ANKRD55: variants seen among roughly 807,000 people sequenced by gnomAD.
ANKRD55 encodes the protein ankyrin repeat domain-containing protein 55.
A neutral mutation model predicts 60.6 loss-of-function variants in ANKRD55; 41 were observed. The ratio of observed to expected loss-of-function variants is 0.68; its 90% CI spans 0.53 to 0.88. The LOEUF (loss-of-function observed/expected upper bound fraction) is 0.88. ANKRD55 is among the 40% of genes least tolerant of loss of function. The pLI, the probability that ANKRD55 is intolerant of heterozygous loss-of-function variation, is 0.00. For missense variants in ANKRD55, 732 were observed against 767.6 expected, an observed-to-expected ratio of 0.95 and a Z score of 0.55; for synonymous variants, 264 against 290.3, an observed-to-expected ratio of 0.91 and a Z score of 0.92.
chr5:56,151,271 T>A (rs567435801), intron 6 of ANKRD55, among the ~76,000 whole-genome samples: 71 of 152,342 alleles, frequency 4.7e-4, no homozygotes, highest in Admixed American at 3.1e-3. Context: ...AGGACATTTT[T>A]AAAAAATTCT....
chr5:56,227,065 A>G (rs1760132023), intron 2 of ANKRD55, among the ~76,000 whole-genome samples: 1 of 152,166 alleles, frequency 6.6e-6, no homozygotes, highest in African/African-American at 2.4e-5. Context: ...ACTATTCACA[A>G]TAGCAAAGAC....
At chr5:56,203,875 G>A (rs1759438696) in intron 2 of ANKRD55, among the ~76,000 whole-genome samples, 1 of 152,072 alleles carries the variant, frequency 6.6e-6, no homozygotes. Flanking sequence ...TGGGTCAAAT[G>A]GTATTTCTAG....
At chr5:56,215,179 A>T (rs1036185714) in intron 2 of ANKRD55, among the ~76,000 whole-genome samples, 1 of 152,186 alleles carries the variant, frequency 6.6e-6, no homozygotes, top group Non-Finnish European at 1.5e-5. Context: ...TTGTTGCTGC[A>T]TAGAACAAAT....
intron 2 of ANKRD55, among the ~76,000 whole-genome samples, chr5:56,219,228 G>A (rs945870505): frequency 2.0e-4 from 29 of 144,706 alleles, no homozygotes; most frequent in South Asian, 2.2e-4. Context: ...AGCAGAGATC[G>A]TGCCACTGCA....
At chr5:56,137,005 G>A in intron 7 of ANKRD55, 1 of 684,970 alleles carries the variant, frequency 1.5e-6, no homozygotes, top group Non-Finnish European at 2.7e-6. Context: ...TTGACCCAGA[G>A]AGCCCCACAA....
intron 2 of ANKRD55, among the ~76,000 whole-genome samples, chr5:56,217,871 G>A (rs1004316081): frequency 6.6e-6 from 1 of 151,654 alleles, no homozygotes; most frequent in Non-Finnish European, 1.5e-5. Context: ...ACTCCAGCCT[G>A]GGTGACAGAG....
At chr5:56,193,732 G>T in intron 2 of ANKRD55, 1 of 172,812 alleles carries the variant, frequency 5.8e-6, no homozygotes, top group Non-Finnish European at 1.2e-5. Flanking sequence ...ATCCCAGTGA[G>T]GAATTCTAAG....
In ANKRD55 at chr5:56,100,921, G is replaced by A. The variant is rs181616836; in HGVS notation, c.1724-617C>T. Among the ~76,000 whole-genome samples, 486 of 152,194 alleles carry A rather than the reference G, an allele frequency of 3.2e-3. 4 individuals carry two copies. The highest frequency in any genetic ancestry group is 0.011 in the African/African-American group (456 of 41,526). ...TACAGTTCTGCTTAAAGACAGGTTC[G>A]GGCTTGAATTTCATTCAATGATAGA... On this transcript the variant is annotated intron_variant, in intron 11 of 11. Coordinates refer to ENST00000341048, the MANE Select transcript of ANKRD55 (RefSeq NM_024669.3).
chr5:56,206,845 A>G (rs1363733898), intron 2 of ANKRD55, among the ~76,000 whole-genome samples: 1 of 152,212 alleles, frequency 6.6e-6, no homozygotes, highest in African/African-American at 2.4e-5. Flanking sequence ...GAAGCTCTGA[A>G]AGGTGCTACT....
rs563256875 is a variant in ANKRD55 at position 56,149,934 on chromosome 5, T to C, written c.484-6005A>G. On this transcript the variant is annotated intron_variant, in intron 6 of 11. Transcript: ENST00000341048. Reference sequence around the variant, plus strand: ...TCGGCTTACTGCAACCTCCACCTCCTGGGTTCAAGAGATTCTCCTGCCTCA... The same window carrying C: ...TCGGCTTACTGCAACCTCCACCTCCCGGGTTCAAGAGATTCTCCTGCCTCA... 2.2e-4 allele frequency among the ~76,000 whole-genome samples: 34 copies of C among 151,664 alleles called. No individual in the cohort carries two copies. The South Asian group carries it at 6.9e-3, about 31-fold the overall frequency.
At chr5:56,128,412 T>C (rs1423088262) in intron 7 of ANKRD55, among the ~76,000 whole-genome samples, 1 of 152,204 alleles carries the variant, frequency 6.6e-6, no homozygotes, top group Non-Finnish European at 1.5e-5. Context: ...AGGCTGCTGC[T>C]TCTGGGATCC....
chr5:56,113,535 G>A (rs576965004), intron 9 of ANKRD55, among the ~76,000 whole-genome samples: 7 of 152,258 alleles, frequency 4.6e-5, no homozygotes, highest in African/African-American at 1.4e-4. Flanking sequence ...TGTTTGAGTC[G>A]CGGGCTGAAC....
Position 56,143,933 on chromosome 5 carries a change from C to T in ANKRD55, c.484-4G>A. 1.2e-6 allele frequency: 2 copies of T among 1,613,812 alleles called. No homozygotes were observed. Among genetic ancestry groups the T allele is most frequent in the Non-Finnish European group, 1.7e-6 (2 of 1,180,024 alleles). On this transcript the variant is annotated splice_polypyrimidine_tract_variant and splice_region_variant and intron_variant, in intron 6 of 11. Coordinates refer to ENST00000341048, the MANE Select transcript of ANKRD55 (RefSeq NM_024669.3). ...CCCAGTGGAGTGGTGTCATTCCCTG[C>T]AAAACAACAGTCAGAGAGGACAGAG... is the stretch of plus-strand genomic sequence containing the variant.
In ANKRD55 at chr5:56,201,803, C is replaced by T. The variant is rs547679051; in HGVS notation, c.59-18169G>A. On this transcript the variant is annotated intron_variant, in intron 2 of 11. Coordinates refer to ENST00000341048, the MANE Select transcript of ANKRD55 (RefSeq NM_024669.3). Reference sequence around the variant, plus strand: ...CAATCCCATTACTAGGTATATACCCCAAGGAATATAAATCATTCTATTATA... The same window carrying T: ...CAATCCCATTACTAGGTATATACCCTAAGGAATATAAATCATTCTATTATA... 2.0e-5 allele frequency among the ~76,000 whole-genome samples: 3 copies of T among 152,222 alleles called. No homozygotes were observed. The East Asian group carries it at 5.8e-4, about 29-fold the overall frequency.
chr5:56,228,187 C>G (rs1167321886), intron 2 of ANKRD55, among the ~76,000 whole-genome samples: 1 of 151,972 alleles, frequency 6.6e-6, no homozygotes, highest in East Asian at 1.9e-4. Flanking sequence ...GTGACTAAGC[C>G]AAGGACTTTG....
chr5:56,216,328 C>G (rs1759807237), intron 2 of ANKRD55, among the ~76,000 whole-genome samples: 1 of 152,086 alleles, frequency 6.6e-6, no homozygotes. Context: ...CATCTCTCTC[C>G]CTCTCCTCAG....
rs761675991 is a variant in ANKRD55, at chr5:56,111,769, G to A, written c.979C>T (p.Arg327Ter). The A allele has an allele frequency of 6.0e-6, 9 of 1,512,160 alleles. No homozygotes were observed. Among genetic ancestry groups the A allele is most frequent in the South Asian group, 1.4e-5 (1 of 71,974 alleles). The allele number at this position is 1,512,160 out of a possible 1,614,324, so 93.7% of individuals were successfully genotyped here. ...CGACTGCTCTGGGAGGGAGGGGGTC[G>A]AGTAGGCTCTGTTCTATGCGAATAT... ...LSQESRTEPT[R>*]PPPSQSSRPQ... Residue 327 changes from arginine (R) to a stop codon, truncating the protein, a stop_gained, in exon 10 of 12, where the codon CGA (arginine) becomes TGA (stop). Coordinates refer to ENST00000341048, the MANE Select transcript of ANKRD55 (RefSeq NM_024669.3). LOFTEE classifies it high-confidence loss of function.
chr5:56,172,613 A>G (rs1309037670), intron 4 of ANKRD55, among the ~76,000 whole-genome samples: 1 of 152,114 alleles, frequency 6.6e-6, no homozygotes, highest in East Asian at 1.9e-4. Context: ...GAAGAAAACC[A>G]TTGAATATAC....
At chr5:56,220,292 C>A (rs1759927115) in intron 2 of ANKRD55, among the ~76,000 whole-genome samples, 1 of 152,114 alleles carries the variant, frequency 6.6e-6, no homozygotes, top group South Asian at 2.1e-4. Context: ...TCTGTAGAGT[C>A]CATAAGAAGA....
Sources: gnomAD v4.1 joint callset for allele counts (sites outside exome capture counted in the v4.1 genomes callset) on GRCh38, gnomAD v4.1.1 for gene constraint, MANE v1.5 for transcripts, NCBI Gene and HGNC (gene_info 2026-07-23, HGNC 2026-07-21) for gene names.